Variants in ELAVL2 observed in about 807,000 individuals in gnomAD.
ELAVL2 encodes the protein ELAV-like protein 2.
ELAVL2 carries 4 observed loss-of-function variants against 34.6 expected under a neutral mutation model. The observed-to-expected ratio is 0.12, with a 90% CI of 0.06 to 0.26. ELAVL2 has a LOEUF of 0.26. Among genes scored for constraint, ELAVL2 ranks in the 10% least tolerant of loss-of-function variants. The pLI is 1.00. For missense variants in ELAVL2, 432 were observed against 442.8 expected (o/e 0.98, Z 0.22); for synonymous variants, 193 against 154.8 (o/e 1.25, Z -1.83).
chr9:23,761,173 G>T (rs2054901259), intron 2 of ELAVL2, among the ~76,000 whole-genome samples: 1 of 151,866 alleles, frequency 6.6e-6, no homozygotes, highest in Non-Finnish European at 1.5e-5. Flanking sequence ...AAAGCAATTT[G>T]GTATACACTA....
At chr9:23,722,211 G>C (rs1260146320) in intron 3 of ELAVL2, among the ~76,000 whole-genome samples, 1 of 152,184 alleles carries the variant, frequency 6.6e-6, no homozygotes, top group Non-Finnish European at 1.5e-5. Context: ...AATTTAAAGA[G>C]AGACCAATGT....
chr9:23,803,067 C>A (rs2061764643), intron 1 of ELAVL2, among the ~76,000 whole-genome samples: 1 of 152,214 alleles, frequency 6.6e-6, no homozygotes, highest in East Asian at 1.9e-4. Context: ...ATAAGCATGC[C>A]TTTATGGTGA....
chr9:23,793,257 A>T (rs2060529941), intron 1 of ELAVL2, among the ~76,000 whole-genome samples: 1 of 152,202 alleles, frequency 6.6e-6, no homozygotes, highest in Non-Finnish European at 1.5e-5. Context: ...GATTTTATTC[A>T]AATAGGCTTT....
At chr9:23,834,127 G>A in the ELAVL2 span, among the ~76,000 whole-genome samples, 1 of 152,020 alleles carries the variant, frequency 6.6e-6, no homozygotes, top group African/African-American at 2.4e-5. Context: ...TATATTTTAC[G>A]AAATGATAGT....
intron 1 of ELAVL2, among the ~76,000 whole-genome samples, chr9:23,800,386 A>C (rs567359151): frequency 6.6e-6 from 1 of 152,306 alleles, no homozygotes; most frequent in African/African-American, 2.4e-5. Flanking sequence ...ACCCTTCACA[A>C]CCCGGGATGG....
rs1057189737 is a variant in ELAVL2, at chr9:23,733,217, G to A, written c.230-2092C>T. On this transcript the variant is annotated intron_variant, in intron 2 of 6. Transcript: ENST00000397312. ...ACTAAAACAAAAAAACCTGATCCCC[G>A]AATCCCACTCCCAAAAATAGATAGA... Among the ~76,000 whole-genome samples, 22 of 145,032 alleles carry A rather than the reference G, an allele frequency of 1.5e-4. No homozygotes were observed. The South Asian group carries it at 3.6e-3, about 24-fold the overall frequency.
At chr9:23,729,559 T>G (rs2046054244) in intron 3 of ELAVL2, among the ~76,000 whole-genome samples, 1 of 152,138 alleles carries the variant, frequency 6.6e-6, no homozygotes, top group African/African-American at 2.4e-5. Flanking sequence ...GTCTTACACT[T>G]TATTGGAAAT....
rs139521990 is a variant in ELAVL2 at position 23,717,455 on chromosome 9, C to A, written c.334-12384G>T. On this transcript the variant is annotated intron_variant, in intron 3 of 6. Coordinates refer to ENST00000397312, the MANE Select transcript of ELAVL2 (RefSeq NM_004432.5). ...GCTAGGTTTAATCAAATTTTCCTGC[C>A]AATCATTTTTGTAGAAGGTTATTAC... is the stretch of plus-strand genomic sequence containing the variant. Among the ~76,000 whole-genome samples the A allele has an allele frequency of 4.6e-5, 7 of 152,224 alleles. No individual in the cohort carries two copies. In the East Asian group the frequency reaches 1.4e-3, roughly 29 times the overall value.
intron 2 of ELAVL2, among the ~76,000 whole-genome samples, chr9:23,743,562 T>A (rs867988012): frequency 6.6e-6 from 1 of 152,178 alleles, no homozygotes; most frequent in Non-Finnish European, 1.5e-5. Flanking sequence ...CCACTGACTT[T>A]AAAGTATATT....
chr9:23,815,153 C>A (rs745479119), intron 1 of ELAVL2, among the ~76,000 whole-genome samples: 2 of 151,900 alleles, frequency 1.3e-5, no homozygotes, highest in African/African-American at 4.8e-5. Flanking sequence ...TCAGAGAAAA[C>A]GCGGACTATT....
chr9:23,783,856 G>C (rs1443961546), intron 1 of ELAVL2, among the ~76,000 whole-genome samples: 1 of 152,122 alleles, frequency 6.6e-6, no homozygotes, highest in Non-Finnish European at 1.5e-5. Context: ...GTTGTCATAG[G>C]TTCAAATAAA....
At chr9:23,762,948 T>C (rs1232208305) in intron 1 of ELAVL2, among the ~76,000 whole-genome samples, 2 of 152,060 alleles carry the variant, frequency 1.3e-5, no homozygotes, top group South Asian at 2.1e-4. Context: ...TAGAATCTAA[T>C]AGGACACTCC....
intron 3 of ELAVL2, among the ~76,000 whole-genome samples, chr9:23,727,765 C>T (rs929642543): frequency 5.3e-5 from 8 of 151,980 alleles, no homozygotes; most frequent in African/African-American, 1.9e-4. Flanking sequence ...GACTTCACTT[C>T]ACTCACCATG....
intron 3 of ELAVL2, among the ~76,000 whole-genome samples, chr9:23,708,182 C>A (rs2039923148): frequency 6.6e-6 from 1 of 152,120 alleles, no homozygotes. Context: ...TTTTCCACTA[C>A]CACAGGCAGG....
intron 2 of ELAVL2, among the ~76,000 whole-genome samples, chr9:23,739,636 T>C (rs1332509296): frequency 6.7e-6 from 1 of 149,750 alleles, no homozygotes; most frequent in East Asian, 2.1e-4. Flanking sequence ...GTATATACCA[T>C]TTGGGATGAA....
intron 3 of ELAVL2, among the ~76,000 whole-genome samples, chr9:23,710,105 CA>C (rs2040530105): frequency 6.6e-6 from 1 of 152,014 alleles, no homozygotes; most frequent in Non-Finnish European, 1.5e-5. Context: ...CTAGACTAGA[CA>C]AAATAAAGAT....
intron 1 of ELAVL2, among the ~76,000 whole-genome samples, chr9:23,780,372 C>G (rs1036690997): frequency 1.3e-5 from 2 of 152,112 alleles, no homozygotes; most frequent in African/African-American, 4.8e-5. Flanking sequence ...CCTGGACATT[C>G]AATTGTTATT....
At position 23,817,424 on chromosome 9, in the gene ELAVL2, C is replaced by T. The variant is rs1046233653; in HGVS notation, c.-16+8382G>A. 3.3e-5 allele frequency among the ~76,000 whole-genome samples: 5 copies of T among 152,090 alleles called. No individual in the cohort carries two copies. The East Asian group carries it at 9.6e-4, about 29-fold the overall frequency. On this transcript the variant is annotated intron_variant, in intron 1 of 6. Coordinates refer to ENST00000397312, the MANE Select transcript of ELAVL2 (RefSeq NM_004432.5). Reference sequence around the variant, plus strand: ...TCTGTTGTCACACAGAACTATTCAGCAATATTCAAAAAGGTACCATGTCAT... The same window carrying T: ...TCTGTTGTCACACAGAACTATTCAGTAATATTCAAAAAGGTACCATGTCAT...
chr9:23,740,141 A>G (rs1249628009), intron 2 of ELAVL2, among the ~76,000 whole-genome samples: 9 of 152,188 alleles, frequency 5.9e-5, no homozygotes, highest in Non-Finnish European at 1.2e-4. Context: ...CCAGTATGAA[A>G]AAGTCAGTAA....
Sources: gnomAD v4.1 joint callset for allele counts (sites outside exome capture counted in the v4.1 genomes callset) on GRCh38, gnomAD v4.1.1 for gene constraint, MANE v1.5 for transcripts, NCBI Gene and HGNC (gene_info 2026-07-23, HGNC 2026-07-21) for gene names.